ZC3H14: variants seen among roughly 807,000 people sequenced by gnomAD.
The protein encoded by ZC3H14 is zinc finger CCCH-type containing 14, also known as zinc finger CCCH domain-containing protein 14.
A neutral mutation model predicts 92.4 loss-of-function variants in ZC3H14; 31 were observed. The observed-to-expected ratio is 0.34, with a 90% CI of 0.25 to 0.45. ZC3H14 has a LOEUF of 0.45. Ranked by LOEUF, ZC3H14 falls within the 20% of genes least tolerant of loss-of-function variation. The pLI, the probability that ZC3H14 is intolerant of heterozygous loss-of-function variation, is 1.00. For synonymous variants in ZC3H14, 321 were observed against 300.9 expected (o/e 1.07, Z -0.69); for missense variants, 781 against 897.3 (o/e 0.87, Z 1.66).
intron 8 of ZC3H14, among the ~76,000 whole-genome samples, chr14:88,576,685 T>A (rs1323708340): frequency 6.6e-6 from 1 of 152,244 alleles, no homozygotes; most frequent in Non-Finnish European, 1.5e-5. Flanking sequence ...AGTTTTGCTG[T>A]GGATTTGGTG....
chr14:88,572,004 T>A, intron 4 of ZC3H14, 26 bp from the exon 5 acceptor site: 1 of 1,542,142 alleles, frequency 6.5e-7, no homozygotes, highest in Non-Finnish European at 8.8e-7. Flanking sequence ...AAAAATAGAT[T>A]AAAAGGACTG....
In ZC3H14 at chr14:88,576,615, A is replaced by G. The variant is rs141673072; in HGVS notation, c.1123+675A>G. Among the ~76,000 whole-genome samples the G allele has an allele frequency of 5.3e-5, 8 of 152,296 alleles. 1 individual carries two copies. The highest frequency in any genetic ancestry group is 1.9e-4 in the African/African-American group (8 of 41,568). The stretch of plus-strand genomic sequence containing the variant: ...CTGTACTCTCTGGCCGACCTGTTGT[A>G]GCCAATGTGTAAACTTGTGTTAAGA... On this transcript the variant is annotated intron_variant, in intron 8 of 16. Coordinates refer to ENST00000251038, the MANE Select transcript of ZC3H14 (RefSeq NM_024824.5).
chr14:88,622,132 C>T lies in ZC3H14; in HGVS notation c.*10381C>T, dbSNP rs1210910921. 5.1e-6 allele frequency: 1 copy of T among 194,852 alleles called. No homozygotes were observed. The highest frequency in any genetic ancestry group is 1.1e-5 in the Non-Finnish European group (1 of 90,874). The allele number at this position is 194,852 out of a possible 1,614,324, so 12.1% of individuals were successfully genotyped here. On this transcript the variant is annotated 3_prime_UTR_variant, in exon 17 of 17. Coordinates refer to ENST00000251038, the MANE Select transcript of ZC3H14 (RefSeq NM_024824.5). Reference sequence around the variant, plus strand: ...CACAGGAGTGAGAACATGTATTTATCTTTCTGTGCCTGGCTTATTTCACTT... The same window carrying T: ...CACAGGAGTGAGAACATGTATTTATTTTTCTGTGCCTGGCTTATTTCACTT...
intron 3 of ZC3H14, 42 bp from the exon 4 acceptor site, chr14:88,571,039 TTTC>T (rs2080318083): frequency 6.8e-7 from 1 of 1,463,930 alleles, no homozygotes; most frequent in African/African-American, 1.4e-5. Flanking sequence ...AAATGAAATC[TTTC>T]TTAACAGAAG....
chr14:88,578,489 A>G (rs1566917035), intron 9 of ZC3H14, among the ~76,000 whole-genome samples: 1 of 152,298 alleles, frequency 6.6e-6, no homozygotes, highest in Non-Finnish European at 1.5e-5. Context: ...GGAAATTTTT[A>G]ATATTCTCAA....
Position 88,618,695 on chromosome 14 carries a change from G to T in ZC3H14, c.*6944G>T. ...CAGAGAAGTCCATTTGAATGACAAA[G>T]CTTGGAATGTCTTTGCAGTAGCTGA... On this transcript the variant is annotated 3_prime_UTR_variant, in exon 17 of 17. Coordinates refer to ENST00000251038, the MANE Select transcript of ZC3H14 (RefSeq NM_024824.5). 6.2e-7 allele frequency: 1 copy of T among 1,612,480 alleles called. No individual in the cohort carries two copies. The highest frequency in any genetic ancestry group is 8.5e-7 in the Non-Finnish European group (1 of 1,179,266).
intron 10 of ZC3H14, among the ~76,000 whole-genome samples, chr14:88,601,607 A>G (rs1419214601): frequency 1.3e-5 from 2 of 152,210 alleles, no homozygotes; most frequent in East Asian, 3.8e-4. Flanking sequence ...CCAGGTTTTT[A>G]GAAAAGATTT....
intron 5 of ZC3H14, 91 bp from the exon 6 acceptor site, chr14:88,572,487 T>G: frequency 6.6e-7 from 1 of 1,514,480 alleles, no homozygotes; most frequent in Non-Finnish European, 9.1e-7. Flanking sequence ...CTCAGTTTTT[T>G]CATTGAAATT....
In ZC3H14 at chr14:88,568,564, A is replaced by G. The variant is rs111967649; in HGVS notation, c.194+411A>G. Among the ~76,000 whole-genome samples, 215 of 152,282 alleles carry G rather than the reference A, an allele frequency of 1.4e-3. 2 individuals are homozygous for G. The highest frequency in any genetic ancestry group is 5.1e-3 in the African/African-American group (211 of 41,552). ...GAGAACTCACTATCATGAGAACATC[A>G]TGGGGGAAACCACCCCCATGACCCA... On this transcript the variant is annotated intron_variant, in intron 3 of 16. Coordinates refer to ENST00000251038, the MANE Select transcript of ZC3H14 (RefSeq NM_024824.5).
chr14:88,588,734 GA>G (rs2082749172), intron 9 of ZC3H14, among the ~76,000 whole-genome samples: 1 of 152,104 alleles, frequency 6.6e-6, no homozygotes, highest in Admixed American at 6.5e-5. Flanking sequence ...TTCTCTGGTG[GA>G]AATTCTGTTA....
rs753106435 is a variant in ZC3H14, at chr14:88,572,701, C to A, written c.555C>A (p.Asp185Glu). The stretch of plus-strand genomic sequence containing the variant: ...AACCAGATGATCTCATTGACGAAGA[C>A]CTCAACTTTGTGCAGGAGAATCCCT... ...KPEPDDLIDE[D>E]LNFVQENPLS... Residue 185 changes from aspartate to glutamate, a missense_variant, in exon 6 of 17, where the codon GAC becomes GAA. Asp to Glu is a conservative substitution (Grantham distance 45). This residue lies in a region of ZC3H14 where 454 missense variants were observed against 438.5 expected (regional missense o/e 1.04). Transcript: ENST00000251038. The A allele has an allele frequency of 8.7e-6, 14 of 1,614,188 alleles. No homozygotes were observed. The highest frequency in any genetic ancestry group is 1.1e-5 in the Non-Finnish European group (13 of 1,180,046).
At chr14:88,571,014 T>A (rs1324757082) in intron 3 of ZC3H14, 70 bp from the exon 4 acceptor site, 2 of 1,262,840 alleles carry the variant, frequency 1.6e-6, no homozygotes, top group African/African-American at 3.1e-5. Context: ...TGTCATAAAT[T>A]TAGAGTGACA....
chr14:88,596,897 T>A, intron 10 of ZC3H14, 89 bp downstream of exon 10: 4 of 1,063,846 alleles, frequency 3.8e-6, no homozygotes, highest in Non-Finnish European at 5.9e-6. Flanking sequence ...CTCGGATCTC[T>A]TAGATCCTGC....
At position 88,614,390 on chromosome 14, in the gene ZC3H14, G is replaced by A. The variant is rs2087281609; in HGVS notation, c.*2639G>A. On this transcript the variant is annotated 3_prime_UTR_variant, in exon 17 of 17. Transcript: ENST00000251038. ...GCTATTTAGAGCTTTAAAACTACCAGGTTCAATCACTGGTTATGCTTTCTG... is the reference window on the plus strand; with the variant it reads ...GCTATTTAGAGCTTTAAAACTACCAAGTTCAATCACTGGTTATGCTTTCTG... The A allele has an allele frequency of 6.6e-6, 1 of 152,072 alleles. No homozygotes were observed. Among genetic ancestry groups the A allele is most frequent in the African/African-American group, 2.4e-5 (1 of 41,398 alleles). 9.4% of individuals were successfully genotyped at this position (152,072 alleles called of 1,614,324 possible). A position where few individuals can be genotyped will look rare whatever the true frequency, so the allele number is the denominator to read the frequency against.
intron 2 of ZC3H14, among the ~76,000 whole-genome samples, chr14:88,565,530 A>G (rs1191459402): frequency 6.6e-6 from 1 of 152,222 alleles, no homozygotes; most frequent in Non-Finnish European, 1.5e-5. Context: ...AAGTGAACCA[A>G]TCTTTTCTAA....
intron 10 of ZC3H14, 89 bp downstream of exon 10, chr14:88,596,897 T>G: frequency 2.8e-6 from 3 of 1,063,862 alleles, no homozygotes; most frequent in East Asian, 2.4e-5. Context: ...CTCGGATCTC[T>G]TAGATCCTGC....
rs1182163094 is a variant in ZC3H14, at chr14:88,575,835, T to A, written c.1023-5T>A. ...TAATAAAAATACCTTTCTTAACTCT[T>A]TTAGACCTTCTCTTCCACCTTCTAA... On this transcript the variant is annotated splice_region_variant and splice_polypyrimidine_tract_variant and intron_variant, in intron 7 of 16. Transcript: ENST00000251038. 6.2e-7 allele frequency: 1 copy of A among 1,610,276 alleles called. No homozygotes were observed. The highest frequency in any genetic ancestry group is 8.5e-7 in the Non-Finnish European group (1 of 1,176,864).
chr14:88,578,663 A>G (rs1475899435), intron 9 of ZC3H14, among the ~76,000 whole-genome samples: 2 of 151,704 alleles, frequency 1.3e-5, no homozygotes, highest in Admixed American at 1.3e-4. Context: ...CCTGAACTTG[A>G]AATTTTAGTT....
intron 2 of ZC3H14, among the ~76,000 whole-genome samples, chr14:88,567,385 G>T (rs1166089837): frequency 6.7e-6 from 1 of 149,532 alleles, no homozygotes; most frequent in Non-Finnish European, 1.5e-5. Context: ...AAAGTGCTGG[G>T]ATTACAGGCA....
Sources: gnomAD v4.1 joint callset for allele counts (sites outside exome capture counted in the v4.1 genomes callset) on GRCh38, gnomAD v4.1.1 for gene constraint, gnomAD v4.1.1 regional missense constraint, MANE v1.5 for transcripts, NCBI Gene and HGNC (gene_info 2026-07-23, HGNC 2026-07-21) for gene names.